MYBPC2: variants seen among roughly 807,000 people sequenced by gnomAD.
The protein encoded by MYBPC2 is myosin-binding protein C, fast-type.
In MYBPC2, 122 loss-of-function variants were observed where a neutral mutation model predicts 137.0. That is an observed-to-expected ratio of 0.89 (90% CI 0.77 to 1.03). The LOEUF (loss-of-function observed/expected upper bound fraction) is 1.03. MYBPC2 is among the 50% of genes least tolerant of loss of function. The pLI, the probability that MYBPC2 is intolerant of heterozygous loss-of-function variation, is 0.00. For missense variants in MYBPC2, 1,500 were observed against 1,534.4 expected, an observed-to-expected ratio of 0.98 and a Z score of 0.37; for synonymous variants, 626 against 612.3, an observed-to-expected ratio of 1.02 and a Z score of -0.33.
At chr19:50,461,519 G>A (rs773150804) in intron 24 of MYBPC2, 23 bp from the exon 25 acceptor site, 14 of 1,608,842 alleles carry the variant, frequency 8.7e-6, no homozygotes, top group African/African-American at 4.0e-5. Flanking sequence ...GACCCGCCTG[G>A]TCCCTCCCTG....
In MYBPC2 at chr19:50,449,646, T is replaced by C. The variant is rs557259455; in HGVS notation, c.1473-1183T>C. Reference sequence around the variant, plus strand: ...AGCCTCTGGCCATATCAGCTAACAGTCAACATGGGCTCCAGCTCAGAAAAC... The same window carrying C: ...AGCCTCTGGCCATATCAGCTAACAGCCAACATGGGCTCCAGCTCAGAAAAC... On this transcript the variant is annotated intron_variant, in intron 13 of 27. Transcript: ENST00000357701. Among the ~76,000 whole-genome samples the C allele has an allele frequency of 7.2e-5, 11 of 152,228 alleles. No individual in the cohort carries two copies. In the South Asian group the frequency reaches 1.9e-3, roughly 26 times the overall value.
chr19:50,461,881 G>T lies in MYBPC2; in HGVS notation c.3092-19G>T. On this transcript the variant is annotated intron_variant, in intron 25 of 27. Transcript: ENST00000357701. Reference sequence around the variant, plus strand: ...AGAATCTAGATCAGTCGCCTTACGGGTGCATCCTCTCTCCCCAGGAATCAC... The same window carrying T: ...AGAATCTAGATCAGTCGCCTTACGGTTGCATCCTCTCTCCCCAGGAATCAC... 1 of 1,591,272 alleles carries T rather than the reference G, an allele frequency of 6.3e-7. No individual in the cohort carries two copies.
Position 50,450,833 on chromosome 19 carries a change from C to T in MYBPC2, c.1477C>T (p.His493Tyr). Residue 493 changes from histidine (H) to tyrosine (Y), a missense_variant, in exon 14 of 28, where the codon CAC (histidine) becomes TAC (tyrosine). Transcript: ENST00000357701. ...CCCTGCTCCCCCACCCCTTAGGTTCCACAAGCTGGTGATCGATGACGTCCG... is the reference window on the plus strand; with the variant it reads ...CCCTGCTCCCCCACCCCTTAGGTTCTACAAGCTGGTGATCGATGACGTCCG... ...RITISHVGRF[H>Y]KLVIDDVRPE... The T allele has an allele frequency of 6.4e-7, 1 of 1,565,526 alleles. No homozygotes were observed. The highest frequency in any genetic ancestry group is 8.7e-7 in the Non-Finnish European group (1 of 1,155,208).
intron 16 of MYBPC2, among the ~76,000 whole-genome samples, 198 bp downstream of exon 16, chr19:50,452,201 T>C (rs1040194859): frequency 2.0e-5 from 3 of 152,214 alleles, no homozygotes; most frequent in Non-Finnish European, 4.4e-5. Context: ...ATTCATCCAT[T>C]CACCTTTCAG....
intron 18 of MYBPC2, 51 bp downstream of exon 18, chr19:50,454,420 G>GTTT (rs36109908): frequency 2.6e-3 from 1,908 of 736,716 alleles, no homozygotes; most frequent in East Asian, 2.9e-3. Flanking sequence ...TCTGCCTTCT[G>GTTT]TTTTTTTTTT....
At chr19:50,437,248 T>G (rs1568657717) in intron 5 of MYBPC2, among the ~76,000 whole-genome samples, 1 of 151,512 alleles carries the variant, frequency 6.6e-6, no homozygotes, top group African/African-American at 2.4e-5. Flanking sequence ...GGCCCAGGTG[T>G]GGGGGGTATA....
intron 21 of MYBPC2, 36 bp from the exon 22 acceptor site, chr19:50,458,882 C>T (rs1313470533): frequency 1.3e-6 from 2 of 1,597,934 alleles, no homozygotes; most frequent in Non-Finnish European, 1.7e-6. Flanking sequence ...CGCCCCGGCC[C>T]CCCGCTGAGC....
intron 26 of MYBPC2, among the ~76,000 whole-genome samples, chr19:50,463,974 A>G (rs1352442199): frequency 6.7e-6 from 1 of 148,244 alleles, no homozygotes; most frequent in Non-Finnish European, 1.5e-5. Context: ...ACTATGGAAG[A>G]GGGAACAGCC....
intron 20 of MYBPC2, among the ~76,000 whole-genome samples, chr19:50,456,765 C>G (rs935833463): frequency 2.0e-5 from 3 of 152,036 alleles, no homozygotes; most frequent in Non-Finnish European, 4.4e-5. Context: ...ATATATCTAT[C>G]TCTTCACCAC....
Position 50,436,752 on chromosome 19 carries a change from G to A in MYBPC2, c.463+18G>A, listed in dbSNP as rs745676765. The A allele has an allele frequency of 1.9e-6, 3 of 1,609,986 alleles. No homozygotes were observed. The highest frequency in any genetic ancestry group is 2.5e-6 in the Non-Finnish European group (3 of 1,176,550). ...TGTGGAGGGTATGCTGGTGGGGGAT[G>A]CGGGAGCAAAGGGTTCTATGTCTGG... On this transcript the variant is annotated intron_variant, in intron 5 of 27. Transcript: ENST00000357701.
intron 20 of MYBPC2, 131 bp from the exon 21 acceptor site, chr19:50,458,456 C>A: frequency 9.4e-7 from 1 of 1,066,302 alleles, no homozygotes; most frequent in Non-Finnish European, 1.3e-6. Flanking sequence ...ACTCCAGCTG[C>A]TGCTGCTGCT....
rs1178446041 is a variant in MYBPC2, at chr19:50,435,490, C to T, written c.109+240C>T. ...TGGCTGATTGATCACCAGGTCCGGC[C>T]CCGGTCTCTCTAAACCTCTCCCGCC... On this transcript the variant is annotated intron_variant, in intron 2 of 27. Transcript: ENST00000357701. This position sits in a 1 kb window ranked among gnomAD's most constrained non-coding sequence, Gnocchi z 4.8. 6.6e-6 allele frequency among the ~76,000 whole-genome samples: 1 copy of T among 152,216 alleles called. No individual in the cohort carries two copies. Among genetic ancestry groups the T allele is most frequent in the Non-Finnish European group, 1.5e-5 (1 of 68,036 alleles).
chr19:50,450,853 C>G lies in MYBPC2; in HGVS notation c.1497C>G (p.Asp499Glu). The change falls in exon 14 of 28, where the codon GAC becomes GAG. Residue 499 changes from aspartate (D) to glutamate (E), a missense_variant. Coordinates refer to ENST00000357701, the MANE Select transcript of MYBPC2 (RefSeq NM_004533.4). ...VGRFHKLVID[D>E]VRPEDEGDYT... Reference sequence around the variant, plus strand: ...GGTTCCACAAGCTGGTGATCGATGACGTCCGCCCCGAGGATGAGGGAGACT... The same window carrying G: ...GGTTCCACAAGCTGGTGATCGATGAGGTCCGCCCCGAGGATGAGGGAGACT... The G allele has an allele frequency of 9.5e-6, 15 of 1,575,228 alleles. No individual in the cohort carries two copies. The highest frequency in any genetic ancestry group is 1.3e-5 in the Non-Finnish European group (15 of 1,160,686).
Position 50,450,892 on chromosome 19 carries a change from T to G in MYBPC2, c.1536T>G (p.Pro512=). The G allele has an allele frequency of 6.3e-7, 1 of 1,578,898 alleles. No individual in the cohort carries two copies. The highest frequency in any genetic ancestry group is 8.6e-7 in the Non-Finnish European group (1 of 1,162,714). Residue 512 remains proline (P), a synonymous_variant, in exon 14 of 28, where the codon CCT becomes CCG. Coordinates refer to ENST00000357701, the MANE Select transcript of MYBPC2 (RefSeq NM_004533.4). ...ATGAGGGAGACTACACGTTTGTGCC[T>G]GACGGCTACGCCCTGTCGCTCTCGG... ...PEDEGDYTFV[P]DGYALSLSAK...
In MYBPC2 at chr19:50,435,371, C is replaced by G. The variant is rs1396583466; in HGVS notation, c.109+121C>G. 1 of 662,270 alleles carries G rather than the reference C, an allele frequency of 1.5e-6. No individual in the cohort carries two copies. Among genetic ancestry groups the G allele is most frequent in the Admixed American group, 2.8e-5 (1 of 36,228 alleles). 41.0% of individuals were successfully genotyped at this position (662,270 alleles called of 1,614,324 possible). ...AATCTGTCCCCGCACAGCCCCAGGG[C>G]TGACCCACGCCTCCCGTGCTCCCAG... On this transcript the variant is annotated intron_variant, in intron 2 of 27. Transcript: ENST00000357701. The surrounding 1 kb of genome is among the most constrained non-coding windows in gnomAD (Gnocchi z 4.8).
chr19:50,457,431 G>A (rs137911677), intron 20 of MYBPC2, among the ~76,000 whole-genome samples: 29 of 152,274 alleles, frequency 1.9e-4, no homozygotes, highest in South Asian at 8.3e-4. Context: ...CCCTCAGCCC[G>A]CCTTCCCAGA....
intron 7 of MYBPC2, 25 bp downstream of exon 7, chr19:50,437,743 A>G (rs73054411): frequency 0.24 from 380,666 of 1,589,054 alleles, 46,339 homozygotes; most frequent in South Asian, 0.25. Context: ...TGGCACAGAG[A>G]GGGGAGATGG....
Position 50,454,352 on chromosome 19 carries a change from G to C in MYBPC2, c.1997G>C (p.Gly666Ala), listed in dbSNP as rs777749471. The C allele has an allele frequency of 3.7e-6, 6 of 1,610,764 alleles. No homozygotes were observed. Among genetic ancestry groups the C allele is most frequent in the Admixed American group, 1.7e-5 (1 of 59,734 alleles). ...GTCTGGGAGCCACCAATGTACGATGGGGGGAAGCCAGTCACCGGTGAGTGC... is the reference window on the plus strand; with the variant it reads ...GTCTGGGAGCCACCAATGTACGATGCGGGGAAGCCAGTCACCGGTGAGTGC... ...ILVWEPPMYD[G>A]GKPVTGYLVE... Residue 666 changes from glycine to alanine, a missense_variant, in exon 18 of 28, where the codon GGG becomes GCG. Coordinates refer to ENST00000357701, the MANE Select transcript of MYBPC2 (RefSeq NM_004533.4).
chr19:50,456,727 C>T (rs1165617143), intron 20 of MYBPC2, among the ~76,000 whole-genome samples: 1 of 152,058 alleles, frequency 6.6e-6, no homozygotes, highest in African/African-American at 2.4e-5. Context: ...TGAGCCATCG[C>T]ACCCGGCCCA....
Sources: allele counts gnomAD v4.1 joint callset (sites outside exome capture counted in the v4.1 genomes callset), GRCh38; gene constraint gnomAD v4.1.1; non-coding constraint Gnocchi (gnomAD v3.1); transcripts MANE v1.5; gene names NCBI Gene and HGNC (gene_info 2026-07-23, HGNC 2026-07-21).